CUL4A: variants seen among roughly 807,000 people sequenced by gnomAD.
CUL4A encodes the protein cullin-4A.
In CUL4A, 16 loss-of-function variants were observed where a neutral mutation model predicts 95.5. The observed-to-expected ratio is 0.17, with a 90% confidence interval of 0.11 to 0.25. The LOEUF (loss-of-function observed/expected upper bound fraction) is 0.25. Among genes scored for constraint, CUL4A ranks in the 10% least tolerant of loss-of-function variants. The probability of loss-of-function intolerance (pLI) is 1.00; values close to 1 mark genes in which losing one functional copy is unlikely to be tolerated. For synonymous variants in CUL4A, 380 were observed against 353.1 expected (o/e 1.08, Z -0.85); for missense variants, 610 against 937.0 (o/e 0.65, Z 4.56).
In CUL4A at chr13:113,245,256, G is replaced by A. The variant is rs749428802; in HGVS notation, c.1530+19G>A. The A allele has an allele frequency of 6.2e-7, 1 of 1,610,910 alleles. No homozygotes were observed. The highest frequency in any genetic ancestry group is 1.1e-5 in the South Asian group (1 of 90,958). On this transcript the variant is annotated intron_variant, in intron 14 of 19. Transcript: ENST00000375440. ...CAAGCAGGTGAGTTGTGTTTCTTAG[G>A]TAAAGCGGCTTTTTAAAAAGTATCT...
chr13:113,212,925 G>A (rs1350774665), intron 2 of CUL4A, among the ~76,000 whole-genome samples: 1 of 152,200 alleles, frequency 6.6e-6, no homozygotes, highest in Admixed American at 6.5e-5. Flanking sequence ...TGAAATCAGG[G>A]TGTGTTGGCC....
chr13:113,243,256 A>G (rs2041770511), intron 11 of CUL4A, 96 bp downstream of exon 11: 1 of 1,193,530 alleles, frequency 8.4e-7, no homozygotes, highest in Admixed American at 2.2e-5. Context: ...GGCAAAATCA[A>G]CCAAAATGTT....
chr13:113,248,937 TGAATCCATGGCTGTG>T (rs1293312559), intron 15 of CUL4A, among the ~76,000 whole-genome samples: 1 of 152,196 alleles, frequency 6.6e-6, no homozygotes, highest in Non-Finnish European at 1.5e-5. Context: ...TGAGATTGGT[TGAATCCATGGCTGTG>T]GAACCCATGG....
At chr13:113,214,872 A>G (rs546016854) in intron 2 of CUL4A, among the ~76,000 whole-genome samples, 10 of 152,044 alleles carry the variant, frequency 6.6e-5, no homozygotes, top group Admixed American at 2.6e-4. Flanking sequence ...GAAGGTCGCT[A>G]TATGACTCTG....
chr13:113,234,962 C>T, intron 7 of CUL4A, 101 bp from the exon 8 acceptor site: 4 of 860,088 alleles, frequency 4.7e-6, no homozygotes, highest in Middle Eastern at 4.9e-4. Flanking sequence ...ATGTATTCTG[C>T]TTTTTAAAAA....
intron 5 of CUL4A, among the ~76,000 whole-genome samples, chr13:113,230,479 A>G (rs190434759): frequency 3.5e-4 from 53 of 152,228 alleles, no homozygotes; most frequent in Admixed American, 2.5e-3. Context: ...GGAACTCCCA[A>G]ACATCTCCTA....
At chr13:113,218,891 A>T in intron 2 of CUL4A, 54 bp from the exon 3 acceptor site, 2 of 1,292,068 alleles carry the variant, frequency 1.5e-6, no homozygotes, top group Non-Finnish European at 1.1e-6. Flanking sequence ...GGGTTTTTTT[A>T]TGAACCAATC....
At chr13:113,236,587 TG>T (rs2041552199) in intron 8 of CUL4A, among the ~76,000 whole-genome samples, 2 of 152,240 alleles carry the variant, frequency 1.3e-5, no homozygotes, top group South Asian at 4.1e-4. Flanking sequence ...CCTGCTTCCC[TG>T]GGCCCGCCCG....
intron 15 of CUL4A, among the ~76,000 whole-genome samples, chr13:113,250,703 G>C (rs1048106954): frequency 6.6e-6 from 1 of 151,994 alleles, no homozygotes; most frequent in Non-Finnish European, 1.5e-5. Context: ...TACTTCTCAA[G>C]GCAAAAAGAA....
chr13:113,229,345 G>C (rs2041226811), intron 4 of CUL4A, 101 bp from the exon 5 acceptor site: 5 of 916,700 alleles, frequency 5.5e-6, no homozygotes, highest in Non-Finnish European at 8.7e-6. Context: ...ACAGGAAACA[G>C]CTGTTGGATT....
intron 19 of CUL4A, among the ~76,000 whole-genome samples, chr13:113,261,165 G>C (rs1398403306): frequency 6.6e-6 from 1 of 152,182 alleles, no homozygotes; most frequent in African/African-American, 2.4e-5. Context: ...ATAGTCTACT[G>C]TTGCTGTTGC....
At chr13:113,246,792 G>A (rs757726279) in intron 15 of CUL4A, among the ~76,000 whole-genome samples, 5 of 152,154 alleles carry the variant, frequency 3.3e-5, no homozygotes, top group Non-Finnish European at 7.3e-5. Flanking sequence ...TTTAATCAAA[G>A]TTTTATTTAA....
intron 5 of CUL4A, chr13:113,230,227 AC>A (rs897401875): frequency 6.6e-6 from 1 of 152,550 alleles, no homozygotes; most frequent in African/African-American, 2.4e-5. Context: ...TGAGCTTTAA[AC>A]CCAAGTTCTT....
chr13:113,233,291 G>A lies in CUL4A; in HGVS notation c.627G>A (p.Val209=), dbSNP rs761391255. The change falls in exon 6 of 20, where the codon GTG becomes GTA. Residue 209 remains valine, a synonymous_variant. Transcript: ENST00000375440. Reference sequence around the variant, plus strand: ...AGCGCGAGAGGAGCGGCGAGGCCGTGGACCGGAGCCTGTTGCGGAGCCTCC... The same window carrying A: ...AGCGCGAGAGGAGCGGCGAGGCCGTAGACCGGAGCCTGTTGCGGAGCCTCC... ...LIERERSGEA[V]DRSLLRSLLG... 8.7e-6 allele frequency: 14 copies of A among 1,613,710 alleles called. No homozygotes were observed. The South Asian group carries it at 1.5e-4, about 18-fold the overall frequency.
chr13:113,210,139 G>T (rs1044364177), intron 2 of CUL4A, 51 bp downstream of exon 2: 15 of 1,292,120 alleles, frequency 1.2e-5, no homozygotes, highest in Middle Eastern at 2.5e-4. Flanking sequence ...GCGTGACGCA[G>T]ACGCGGCCGG....
In CUL4A at chr13:113,244,668, C is replaced by T. The variant is rs935285087; in HGVS notation, c.1333+154C>T. 2.6e-5 allele frequency among the ~76,000 whole-genome samples: 4 copies of T among 152,090 alleles called. No individual in the cohort carries two copies. The South Asian group carries it at 8.3e-4, about 32-fold the overall frequency. On this transcript the variant is annotated intron_variant, in intron 12 of 19. Coordinates refer to ENST00000375440, the MANE Select transcript of CUL4A (RefSeq NM_001008895.4). ...CATCCTTGCTAACATGGTGAAACCCCGTCTCTACTAAAAATACAAAACATT... is the reference window on the plus strand; with the variant it reads ...CATCCTTGCTAACATGGTGAAACCCTGTCTCTACTAAAAATACAAAACATT...
At position 113,229,706 on chromosome 13, in the gene CUL4A, G is replaced by T. The variant is rs1266583242; in HGVS notation, c.512+187G>T. 1.2e-5 allele frequency: 7 copies of T among 567,126 alleles called. No homozygotes were observed. The South Asian group carries it at 1.6e-4, about 13-fold the overall frequency. The allele number at this position is 567,126 out of a possible 1,614,324, so 35.1% of individuals were successfully genotyped here. A position where few individuals can be genotyped will look rare whatever the true frequency, so the allele number is the denominator to read the frequency against. Reference sequence around the variant, plus strand: ...TTAGCCTTGAAACACCAGGTGTCTAGCCAGCAGCAAGGAGTGGAGCAGGAA... The same window carrying T: ...TTAGCCTTGAAACACCAGGTGTCTATCCAGCAGCAAGGAGTGGAGCAGGAA... On this transcript the variant is annotated intron_variant, in intron 5 of 19. Transcript: ENST00000375440.
chr13:113,241,276 G>A (rs1005661028), intron 10 of CUL4A, among the ~76,000 whole-genome samples: 3 of 152,150 alleles, frequency 2.0e-5, no homozygotes, highest in South Asian at 2.1e-4. Flanking sequence ...ATAAAAATCA[G>A]TGAGTGACCA....
At chr13:113,229,750 CT>C (rs1367453986) in intron 5 of CUL4A, 1 of 539,526 alleles carries the variant, frequency 1.9e-6, no homozygotes, top group Non-Finnish European at 3.3e-6. Context: ...AGGCGGCTGA[CT>C]TTGGTCATGA....
Sources: allele counts gnomAD v4.1 joint callset (sites outside exome capture counted in the v4.1 genomes callset), GRCh38; gene constraint gnomAD v4.1.1; transcripts MANE v1.5; gene names NCBI Gene and HGNC (gene_info 2026-07-23, HGNC 2026-07-21).